The following PUM2 variants were observed in gnomAD, a reference collection of about 807,000 sequenced individuals.
The protein encoded by PUM2 is pumilio homolog 2.
Under a neutral mutation model 124.5 loss-of-function variants are expected in PUM2, and 57 were observed. The observed-to-expected ratio is 0.46, with a 90% CI of 0.37 to 0.57. PUM2 has a LOEUF of 0.57. Among genes scored for constraint, PUM2 ranks in the 20% least tolerant of loss-of-function variants. The probability of loss-of-function intolerance (pLI) is 0.00; values close to 1 mark genes in which losing one functional copy is unlikely to be tolerated. For synonymous variants in PUM2, 460 were observed against 446.1 expected, an observed-to-expected ratio of 1.03 and a Z score of -0.39; for missense variants, 1,065 against 1,290.6, an observed-to-expected ratio of 0.83 and a Z score of 2.68.
chr2:20,303,435 GTTTT>G (rs11444507), intron 7 of PUM2, among the ~76,000 whole-genome samples: 5 of 129,782 alleles, frequency 3.9e-5, no homozygotes, highest in Non-Finnish European at 6.5e-5. Flanking sequence ...AAGCTTTCAA[GTTTT>G]TTTTTTTTTT....
At chr2:20,275,456 ATTC>A (rs1325651087) in intron 13 of PUM2, among the ~76,000 whole-genome samples, 2 of 152,094 alleles carry the variant, frequency 1.3e-5, no homozygotes, top group Non-Finnish European at 2.9e-5. Context: ...AGGGATAGCT[ATTC>A]TTCTTTATAG....
At position 20,289,281 on chromosome 2, in the gene PUM2, C is replaced by T. The variant is rs373292219; in HGVS notation, c.1291+1371G>A. Among the ~76,000 whole-genome samples, 52 of 152,264 alleles carry T rather than the reference C, an allele frequency of 3.4e-4. No homozygotes were observed. In the South Asian group the frequency reaches 1.0e-2, roughly 29 times the overall value. On this transcript the variant is annotated intron_variant, in intron 10 of 20. Transcript: ENST00000361078. ...GCACTCTTCTTAATTCCAGGTTCCACAGAGAAACTAGTTAAGCAGGAAAAA... is the reference window on the plus strand; with the variant it reads ...GCACTCTTCTTAATTCCAGGTTCCATAGAGAAACTAGTTAAGCAGGAAAAA...
At chr2:20,321,319 T>C (rs928048799) in intron 2 of PUM2, among the ~76,000 whole-genome samples, 1 of 151,904 alleles carries the variant, frequency 6.6e-6, no homozygotes, top group African/African-American at 2.4e-5. Context: ...AAAACGCAAA[T>C]TGTTTACCTG....
At chr2:20,326,203 A>G in intron 2 of PUM2, 1 of 1,232,286 alleles carries the variant, frequency 8.1e-7, no homozygotes, top group African/African-American at 1.6e-5. Flanking sequence ...ATTTTACCTT[A>G]TGCACTGGTC....
chr2:20,311,350 TA>T (rs1173006461), intron 5 of PUM2, 143 bp downstream of exon 5: 4 of 999,928 alleles, frequency 4.0e-6, no homozygotes, highest in East Asian at 2.9e-5. Flanking sequence ...TTCTTTATAG[TA>T]AAAAACTAAA....
At chr2:20,257,043 CAAAAAAAAA>C (rs58072146) in intron 16 of PUM2, among the ~76,000 whole-genome samples, 29 of 71,790 alleles carry the variant, frequency 4.0e-4, no homozygotes, top group African/African-American at 1.2e-3. Flanking sequence ...GATTCCGTCT[CAAAAAAAAA>C]AAAAAAAAAA....
intron 3 of PUM2, among the ~76,000 whole-genome samples, chr2:20,314,822 GAAC>G (rs1339234555): frequency 5.3e-5 from 8 of 151,990 alleles, no homozygotes; most frequent in Admixed American, 2.0e-4. Context: ...AGGAATCCGA[GAAC>G]AACACAGTTT....
At chr2:20,313,429 G>A (rs1680130886) in intron 3 of PUM2, among the ~76,000 whole-genome samples, 1 of 152,204 alleles carries the variant, frequency 6.6e-6, no homozygotes, top group Non-Finnish European at 1.5e-5. Context: ...GAAATAGTAT[G>A]CAAAGGATAC....
At chr2:20,351,284 C>T (rs1689316098), upstream of PUM2, among the ~76,000 whole-genome samples, 2 of 152,232 alleles carry the variant, frequency 1.3e-5, no homozygotes, top group African/African-American at 4.8e-5. Context: ...AGAGTGCTGG[C>T]GCCCACAAGA....
At chr2:20,263,906 C>T (rs1040140858) in intron 13 of PUM2, among the ~76,000 whole-genome samples, 4 of 151,958 alleles carry the variant, frequency 2.6e-5, no homozygotes, top group Non-Finnish European at 2.9e-5. Context: ...TTTTTGCATT[C>T]GGTCATATAT....
intron 13 of PUM2, among the ~76,000 whole-genome samples, chr2:20,267,363 T>C (rs937390515): frequency 1.3e-5 from 2 of 151,998 alleles, no homozygotes; most frequent in Non-Finnish European, 2.9e-5. Flanking sequence ...CCAAATAGTG[T>C]TGTGGATGAG....
chr2:20,281,295 G>C (rs918208040), intron 12 of PUM2, among the ~76,000 whole-genome samples: 8 of 152,100 alleles, frequency 5.3e-5, no homozygotes, highest in Non-Finnish European at 1.2e-4. Context: ...TAGTTTTGGG[G>C]AAACAGGGCA....
intron 3 of PUM2, among the ~76,000 whole-genome samples, chr2:20,315,057 C>CT (rs1340482519): frequency 1.0e-5 from 1 of 99,052 alleles, no homozygotes; most frequent in Non-Finnish European, 1.9e-5. Flanking sequence ...AGGAAGTGTG[C>CT]TTCTTTTTTT....
chr2:20,324,187 T>C (rs1683109879), intron 2 of PUM2, among the ~76,000 whole-genome samples: 1 of 152,138 alleles, frequency 6.6e-6, no homozygotes. Flanking sequence ...GTTATTCTTA[T>C]TATTATTTTT....
intron 2 of PUM2, among the ~76,000 whole-genome samples, chr2:20,320,725 C>T (rs1486122590): frequency 1.3e-5 from 2 of 151,976 alleles, no homozygotes; most frequent in Non-Finnish European, 2.9e-5. Context: ...AACTTGTATT[C>T]CTTCTATTTT....
chr2:20,342,604 TAG>T (rs1282433962), intron 1 of PUM2, among the ~76,000 whole-genome samples: 1 of 152,334 alleles, frequency 6.6e-6, no homozygotes, highest in East Asian at 1.9e-4. Flanking sequence ...CTGGGTAGAA[TAG>T]AGATTTAATT....
chr2:20,349,504 A>AC lies in PUM2; in HGVS notation c.-19+1092_-19+1093insG, dbSNP rs547391608. ...GAGGCTAGGAAGAGAAACAAGTTGA[A>AC]AATACTCATTTTTGTTTTTTTTTTT... On this transcript the variant is annotated intron_variant, in intron 1 of 20. Coordinates refer to ENST00000361078, the MANE Select transcript of PUM2 (RefSeq NM_015317.5). 1.9e-3 allele frequency among the ~76,000 whole-genome samples: 286 copies of AC among 152,024 alleles called. 2 individuals are homozygous for AC. The highest frequency in any genetic ancestry group is 6.6e-3 in the African/African-American group (273 of 41,474).
At chr2:20,269,481 G>GT (rs1558510879) in intron 13 of PUM2, among the ~76,000 whole-genome samples, 1 of 152,010 alleles carries the variant, frequency 6.6e-6, no homozygotes, top group Admixed American at 6.6e-5. Context: ...GATCACATGC[G>GT]TGAGAATGCT....
intron 1 of PUM2, among the ~76,000 whole-genome samples, chr2:20,337,707 A>G (rs1686416002): frequency 6.6e-6 from 1 of 152,218 alleles, no homozygotes. Flanking sequence ...CCAAGCCTTC[A>G]TATGAACTTA....
Sources: allele counts gnomAD v4.1 joint callset (sites outside exome capture counted in the v4.1 genomes callset), GRCh38; gene constraint gnomAD v4.1.1; transcripts MANE v1.5; gene names NCBI Gene and HGNC (gene_info 2026-07-23, HGNC 2026-07-21).